The following CADPS variants were observed in gnomAD, a reference collection of about 807,000 sequenced individuals.
The protein encoded by CADPS is calcium dependent secretion activator, also known as calcium-dependent secretion activator 1.
A neutral mutation model predicts 167.3 loss-of-function variants in CADPS; 57 were observed. The ratio of observed to expected loss-of-function variants is 0.34; its 90% CI spans 0.28 to 0.42. The LOEUF (loss-of-function observed/expected upper bound fraction) is 0.42. Ranked by LOEUF, CADPS falls within the 20% of genes least tolerant of loss-of-function variation. The pLI, the probability that CADPS is intolerant of heterozygous loss-of-function variation, is 1.00. For synonymous variants in CADPS, 676 were observed against 635.3 expected (o/e 1.06, Z -0.96); for missense variants, 1,414 against 1,738.1 (o/e 0.81, Z 3.32).
At chr3:62,528,686 G>A (rs951325329) in intron 13 of CADPS, among the ~76,000 whole-genome samples, 29 of 152,146 alleles carry the variant, frequency 1.9e-4, no homozygotes, top group African/African-American at 6.3e-4. Flanking sequence ...GATTTATGCA[G>A]AATAGGTTCT....
chr3:62,465,320 C>A lies in CADPS; in HGVS notation c.3636+47G>T. 1 of 1,468,410 alleles carries A rather than the reference C, an allele frequency of 6.8e-7. No individual in the cohort carries two copies. Among genetic ancestry groups the A allele is most frequent in the South Asian group, 1.3e-5 (1 of 79,422 alleles). 91.0% of individuals were successfully genotyped at this position (1,468,410 alleles called of 1,614,324 possible). On this transcript the variant is annotated intron_variant, in intron 26 of 29. Transcript: ENST00000383710. This position sits in a 1 kb window ranked among gnomAD's most constrained non-coding sequence, Gnocchi z 4.1. ...ACATAACTCCTCTCCCAAGCCGAAACCAAAAATTAAAACAAAAGCCAGGAA... is the reference window on the plus strand; with the variant it reads ...ACATAACTCCTCTCCCAAGCCGAAAACAAAAATTAAAACAAAAGCCAGGAA...
At chr3:62,647,896 C>T (rs1343991153) in intron 5 of CADPS, among the ~76,000 whole-genome samples, 1 of 152,226 alleles carries the variant, frequency 6.6e-6, no homozygotes, top group Non-Finnish European at 1.5e-5. Context: ...ACCTGGCCCA[C>T]AGTGGCATTC....
intron 3 of CADPS, among the ~76,000 whole-genome samples, chr3:62,750,139 G>A (rs2082366518): frequency 6.6e-6 from 1 of 151,880 alleles, no homozygotes; most frequent in Admixed American, 6.6e-5. Context: ...GTCACCTGAG[G>A]TCCAGAGTTT....
intron 3 of CADPS, among the ~76,000 whole-genome samples, chr3:62,749,140 C>T (rs512729): frequency 0.2 from 30,721 of 152,138 alleles, 3,946 homozygotes; most frequent in African/African-American, 0.36. Context: ...TGAATTTCTT[C>T]TATGAGATTT....
At chr3:62,687,510 A>G (rs2151188320) in intron 3 of CADPS, among the ~76,000 whole-genome samples, 1 of 152,182 alleles carries the variant, frequency 6.6e-6, no homozygotes, top group East Asian at 1.9e-4. Context: ...TTTTAATTAA[A>G]TGACTAGGAA....
intron 4 of CADPS, among the ~76,000 whole-genome samples, chr3:62,656,248 G>C (rs1365265361): frequency 5.3e-5 from 8 of 152,090 alleles, no homozygotes; most frequent in African/African-American, 1.7e-4. Flanking sequence ...TACTAATAAT[G>C]ATGGTGCCTA....
rs916864023 is a variant in CADPS, at chr3:62,438,667, G to A, written c.3670-456C>T. ...TTTTAAAATATTGAGAAAGTACTAAGTAAAAAAAATTGTGTTTCAATCTAT... is the reference window on the plus strand; with the variant it reads ...TTTTAAAATATTGAGAAAGTACTAAATAAAAAAAATTGTGTTTCAATCTAT... On this transcript the variant is annotated intron_variant, in intron 27 of 29. Transcript: ENST00000383710. This position sits in a 1 kb window ranked among gnomAD's most constrained non-coding sequence, Gnocchi z 4.7. 1.2e-5 allele frequency: 2 copies of A among 161,584 alleles called. No individual in the cohort carries two copies. The highest frequency in any genetic ancestry group is 4.9e-5 in the African/African-American group (2 of 41,024). The allele number at this position is 161,584 out of a possible 1,614,324, so 10.0% of individuals were successfully genotyped here.
chr3:62,793,100 A>T (rs1280738681), intron 1 of CADPS, among the ~76,000 whole-genome samples: 1 of 152,210 alleles, frequency 6.6e-6, no homozygotes, highest in Non-Finnish European at 1.5e-5. Context: ...TGTCAGCATA[A>T]GAAGTGTTTG....
intron 28 of CADPS, among the ~76,000 whole-genome samples, chr3:62,419,632 C>T (rs905344368): frequency 1.3e-5 from 2 of 152,070 alleles, no homozygotes; most frequent in African/African-American, 4.8e-5. Flanking sequence ...AAGGATTCAG[C>T]GTATGAACTG....
At chr3:62,511,244 A>G (rs2151545859) in intron 17 of CADPS, among the ~76,000 whole-genome samples, 1 of 152,280 alleles carries the variant, frequency 6.6e-6, no homozygotes, top group Non-Finnish European at 1.5e-5. Flanking sequence ...AGACCTTTGA[A>G]GTCCTGTCCC....
intron 3 of CADPS, among the ~76,000 whole-genome samples, chr3:62,750,605 A>T (rs1292627006): frequency 6.6e-6 from 1 of 152,206 alleles, no homozygotes; most frequent in Non-Finnish European, 1.5e-5. Flanking sequence ...TTGGAGACAT[A>T]AAAAAGCACA....
intron 21 of CADPS, among the ~76,000 whole-genome samples, chr3:62,490,319 A>T (rs1315583105): frequency 6.6e-6 from 1 of 152,166 alleles, no homozygotes; most frequent in East Asian, 1.9e-4. Flanking sequence ...AGAAAGAAAG[A>T]AAGAAAGAAA....
At chr3:62,492,603 G>T (rs1329457450) in intron 19 of CADPS, among the ~76,000 whole-genome samples, 157 bp from the exon 20 acceptor site, 1 of 152,180 alleles carries the variant, frequency 6.6e-6, no homozygotes, top group East Asian at 1.9e-4. Context: ...TGATACAATT[G>T]GGGTGTTAAG....
At chr3:62,676,198 G>A (rs1563711211) in intron 3 of CADPS, among the ~76,000 whole-genome samples, 1 of 152,128 alleles carries the variant, frequency 6.6e-6, no homozygotes, top group South Asian at 2.1e-4. Flanking sequence ...TTGTTGTATT[G>A]TAAGGTAAGA....
At chr3:62,622,154 A>G (rs9832217) in intron 6 of CADPS, among the ~76,000 whole-genome samples, 2,834 of 152,134 alleles carry the variant, frequency 0.019, 75 homozygotes, top group African/African-American at 0.064. Context: ...GCTGGTCTGT[A>G]TCTCCAGAGA....
chr3:62,665,194 G>A (rs2074193194), intron 3 of CADPS, among the ~76,000 whole-genome samples: 2 of 152,196 alleles, frequency 1.3e-5, no homozygotes, highest in African/African-American at 4.8e-5. Context: ...ATTCTGGGGT[G>A]AGGAATTGAT....
intron 1 of CADPS, among the ~76,000 whole-genome samples, chr3:62,820,795 G>GTTTTTTTT (rs5849504): frequency 7.2e-6 from 1 of 137,996 alleles, no homozygotes. Context: ...CTTTTTTTTG[G>GTTTTTTTT]TTTTTTTTTT....
intron 5 of CADPS, 86 bp downstream of exon 5, chr3:62,650,761 G>GA: frequency 1.0e-6 from 1 of 990,612 alleles, no homozygotes; most frequent in South Asian, 1.5e-5. Flanking sequence ...GGGTGCAACA[G>GA]AAAAAACAAG....
At chr3:62,810,213 A>G (rs2094329479) in intron 1 of CADPS, among the ~76,000 whole-genome samples, 1 of 152,154 alleles carries the variant, frequency 6.6e-6, no homozygotes, top group African/African-American at 2.4e-5. Context: ...TACCAGATGG[A>G]CTTGAACTAA....
Sources: allele counts gnomAD v4.1 joint callset (sites outside exome capture counted in the v4.1 genomes callset), GRCh38; gene constraint gnomAD v4.1.1; non-coding constraint Gnocchi (gnomAD v3.1); transcripts MANE v1.5; gene names NCBI Gene and HGNC (gene_info 2026-07-23, HGNC 2026-07-21).